The following FAM13C variants were observed in gnomAD, a reference collection of about 807,000 sequenced individuals.
FAM13C encodes protein FAM13C.
In FAM13C, 37 loss-of-function variants were observed where a neutral mutation model predicts 73.2. The observed-to-expected ratio is 0.51, with a 90% CI of 0.39 to 0.67. The LOEUF is 0.67. Among genes scored for constraint, FAM13C ranks in the 30% least tolerant of loss-of-function variants. The probability of loss-of-function intolerance (pLI) is 0.00; values close to 1 mark genes in which losing one functional copy is unlikely to be tolerated. For synonymous variants in FAM13C, 246 were observed against 260.9 expected (o/e 0.94, Z 0.55); for missense variants, 589 against 715.6 (o/e 0.82, Z 2.02).
At chr10:59,310,610 A>T (rs1215409082) in intron 4 of FAM13C, among the ~76,000 whole-genome samples, 1 of 152,148 alleles carries the variant, frequency 6.6e-6, no homozygotes, top group East Asian at 1.9e-4. Flanking sequence ...ATTCCCCGAG[A>T]GACTACTGAA....
chr10:59,276,161 A>G (rs1284838950), intron 6 of FAM13C, among the ~76,000 whole-genome samples: 1 of 152,150 alleles, frequency 6.6e-6, no homozygotes, highest in African/African-American at 2.4e-5. Flanking sequence ...AGCTCTATAG[A>G]TTATTGCTGT....
intron 5 of FAM13C, among the ~76,000 whole-genome samples, chr10:59,292,004 G>T (rs566575959): frequency 1.4e-4 from 21 of 152,076 alleles, no homozygotes; most frequent in African/African-American, 4.3e-4. Context: ...TAGCCAGGAT[G>T]GTCTCTATCT....
chr10:59,260,906 AT>A (rs1257943725), intron 10 of FAM13C, among the ~76,000 whole-genome samples: 1 of 152,168 alleles, frequency 6.6e-6, no homozygotes, highest in Non-Finnish European at 1.5e-5. Context: ...AGGAAGTTGA[AT>A]CTCAGAGAAT....
intron 4 of FAM13C, among the ~76,000 whole-genome samples, chr10:59,321,438 T>A (rs957385665): frequency 6.7e-5 from 9 of 133,818 alleles, no homozygotes; most frequent in African/African-American, 2.8e-4. Flanking sequence ...ACACCTTTTT[T>A]TTTTTTTTTT....
chr10:59,249,627 A>G (rs1469350298), intron 13 of FAM13C, among the ~76,000 whole-genome samples: 1 of 152,180 alleles, frequency 6.6e-6, no homozygotes, highest in African/African-American at 2.4e-5. Flanking sequence ...CATTTTAGTA[A>G]TCCATTTGCA....
At chr10:59,290,431 A>G (rs1007423161) in intron 5 of FAM13C, among the ~76,000 whole-genome samples, 1 of 152,214 alleles carries the variant, frequency 6.6e-6, no homozygotes, top group Non-Finnish European at 1.5e-5. Context: ...CTGGGTCTCC[A>G]AATGTCTCCA....
At chr10:59,300,294 C>T (rs570177548) in intron 5 of FAM13C, among the ~76,000 whole-genome samples, 30 of 152,308 alleles carry the variant, frequency 2.0e-4, no homozygotes, top group African/African-American at 3.8e-4. Context: ...ATTATTACTA[C>T]GTACAACATA....
At chr10:59,293,728 G>A (rs543995319) in intron 5 of FAM13C, among the ~76,000 whole-genome samples, 5 of 152,230 alleles carry the variant, frequency 3.3e-5, no homozygotes, top group South Asian at 4.1e-4. Flanking sequence ...CAGATGTCCC[G>A]ACTTGATATG....
intron 5 of FAM13C, among the ~76,000 whole-genome samples, chr10:59,292,636 C>T (rs1846392618): frequency 6.6e-6 from 1 of 152,218 alleles, no homozygotes; most frequent in Non-Finnish European, 1.5e-5. Flanking sequence ...TATATCTATG[C>T]CTTTAAAGAT....
In FAM13C at chr10:59,302,104, G is replaced by A. The variant is rs183967265; in HGVS notation, c.507+697C>T. Among the ~76,000 whole-genome samples, 104 of 152,212 alleles carry A rather than the reference G, an allele frequency of 6.8e-4. 1 individual carries two copies. The highest frequency in any genetic ancestry group is 2.1e-3 in the African/African-American group (87 of 41,528). On this transcript the variant is annotated intron_variant, in intron 5 of 13. Coordinates refer to ENST00000618804, the MANE Select transcript of FAM13C (RefSeq NM_198215.4). ...CTCTTTGCTATGACCTTAATCAGACGTACTAAATACCACCTACTACTACTT... is the reference window on the plus strand; with the variant it reads ...CTCTTTGCTATGACCTTAATCAGACATACTAAATACCACCTACTACTACTT...
intron 3 of FAM13C, among the ~76,000 whole-genome samples, chr10:59,333,580 T>A (rs1002452413): frequency 1.3e-5 from 2 of 152,194 alleles, no homozygotes; most frequent in Non-Finnish European, 2.9e-5. Flanking sequence ...TTATTCCTTT[T>A]TTGGGGGCTG....
At chr10:59,274,991 T>G (rs944281657) in intron 6 of FAM13C, among the ~76,000 whole-genome samples, 1 of 152,206 alleles carries the variant, frequency 6.6e-6, no homozygotes, top group Non-Finnish European at 1.5e-5. Context: ...TCAGCCTACT[T>G]GACTCTCCAG....
At chr10:59,361,757 T>C (rs1856444830) in intron 1 of FAM13C, among the ~76,000 whole-genome samples, 1 of 152,158 alleles carries the variant, frequency 6.6e-6, no homozygotes, top group Admixed American at 6.5e-5. Flanking sequence ...AAAAAAATAC[T>C]GTGCTTGCTG....
intron 4 of FAM13C, among the ~76,000 whole-genome samples, chr10:59,312,536 T>A (rs984816461): frequency 1.3e-5 from 2 of 152,156 alleles, no homozygotes; most frequent in Non-Finnish European, 2.9e-5. Context: ...TTAATGTCAA[T>A]CTGAGTCTGT....
chr10:59,275,154 A>T (rs753976256), intron 6 of FAM13C, among the ~76,000 whole-genome samples: 1 of 152,196 alleles, frequency 6.6e-6, no homozygotes, highest in Non-Finnish European at 1.5e-5. Flanking sequence ...TGAATATACA[A>T]AGCAAACAGA....
chr10:59,297,364 C>G (rs1030576922), intron 5 of FAM13C: 2 of 152,214 alleles, frequency 1.3e-5, no homozygotes, highest in African/African-American at 4.8e-5. Flanking sequence ...CTTTCCTACT[C>G]TCTACCTCAC....
chr10:59,282,358 T>A (rs1238863660), intron 6 of FAM13C: 1 of 152,248 alleles, frequency 6.6e-6, no homozygotes, highest in Non-Finnish European at 1.5e-5. Flanking sequence ...AGTACTGATT[T>A]ACCTGCTTAG....
At chr10:59,329,342 G>GTTTTTTT (rs71006247) in intron 3 of FAM13C, among the ~76,000 whole-genome samples, 1 of 77,300 alleles carries the variant, frequency 1.3e-5, no homozygotes, top group Non-Finnish European at 2.5e-5. Flanking sequence ...TTTCTTTCTG[G>GTTTTTTT]TTTTTTTTTT....
chr10:59,260,361 C>T (rs1482562502), intron 10 of FAM13C, among the ~76,000 whole-genome samples: 4 of 152,144 alleles, frequency 2.6e-5, no homozygotes, highest in African/African-American at 7.2e-5. Flanking sequence ...GTGATGGGTT[C>T]TAATCTGTCT....
Sources: allele counts gnomAD v4.1 joint callset (sites outside exome capture counted in the v4.1 genomes callset), GRCh38; gene constraint gnomAD v4.1.1; transcripts MANE v1.5; gene names NCBI Gene and HGNC (gene_info 2026-07-23, HGNC 2026-07-21).